ACTN4: variants seen among roughly 807,000 people sequenced by gnomAD.
ACTN4 encodes the protein alpha-actinin-4.
Under a neutral mutation model 114.2 loss-of-function variants are expected in ACTN4, and 18 were observed. The observed-to-expected ratio is 0.16, with a 90% CI of 0.11 to 0.23. The LOEUF (loss-of-function observed/expected upper bound fraction) is 0.23, where lower values mean the gene tolerates loss of function less well. Ranked by LOEUF, ACTN4 falls within the 10% of genes least tolerant of loss-of-function variation. The probability of loss-of-function intolerance (pLI) is 1.00; values close to 1 mark genes in which losing one functional copy is unlikely to be tolerated. For missense variants in ACTN4, 722 were observed against 1,262.9 expected, an observed-to-expected ratio of 0.57 and a Z score of 6.49; for synonymous variants, 515 against 506.3, an observed-to-expected ratio of 1.02 and a Z score of -0.23.
Position 38,727,972 on chromosome 19 carries a change from G to A in ACTN4, c.2364G>A (p.Glu788=). Residue 788 remains glutamate (E), a synonymous_variant, in exon 19 of 21, where the codon GAG becomes GAA. Coordinates refer to ENST00000252699, the MANE Select transcript of ACTN4 (RefSeq NM_004924.6). The surrounding 1 kb of genome is among the most constrained non-coding windows in gnomAD (Gnocchi z 5.4). Reference sequence around the variant, plus strand: ...ATCATGGCGGGGCGCTGGGGCCCGAGGAGTTCAAGGCCTGCCTCATCAGCC... The same window carrying A: ...ATCATGGCGGGGCGCTGGGGCCCGAAGAGTTCAAGGCCTGCCTCATCAGCC... ...DKDHGGALGP[E]EFKACLISLG... The A allele has an allele frequency of 6.2e-7, 1 of 1,612,758 alleles. No homozygotes were observed. The highest frequency in any genetic ancestry group is 8.5e-7 in the Non-Finnish European group (1 of 1,179,860).
At chr19:38,688,873 G>A (rs1967832719) in intron 1 of ACTN4, among the ~76,000 whole-genome samples, 1 of 152,184 alleles carries the variant, frequency 6.6e-6, no homozygotes, top group Admixed American at 6.5e-5. Flanking sequence ...ATGTGGTGCA[G>A]CTTCTTGGGA....
chr19:38,647,725 G>A lies in ACTN4; in HGVS notation c.-21G>A. On this transcript the variant is annotated 5_prime_UTR_variant, in exon 1 of 21. Transcript: ENST00000252699. ...CTGAGGCGGGAGCGGACAGGCTGGT[G>A]GGCGAGCGAGAGGCGGCGGAATGGT... 2 of 1,538,430 alleles carry A rather than the reference G, an allele frequency of 1.3e-6. No individual in the cohort carries two copies. The highest frequency in any genetic ancestry group is 1.7e-6 in the Non-Finnish European group (2 of 1,143,330).
intron 1 of ACTN4, among the ~76,000 whole-genome samples, chr19:38,656,154 A>G (rs548551100): frequency 6.6e-6 from 1 of 151,998 alleles, no homozygotes; most frequent in Admixed American, 6.6e-5. Context: ...CACTCTTTTT[A>G]CCAAGGCTGG....
chr19:38,677,913 G>C (rs926289343), intron 1 of ACTN4, among the ~76,000 whole-genome samples: 6 of 152,128 alleles, frequency 3.9e-5, no homozygotes, highest in Non-Finnish European at 8.8e-5. Context: ...TTTTGGTAGA[G>C]ACAATGTTTC....
At chr19:38,708,281 A>G (rs1474995802) in intron 6 of ACTN4, 86 bp downstream of exon 6, 2 of 1,442,314 alleles carry the variant, frequency 1.4e-6, no homozygotes, top group East Asian at 2.3e-5. Context: ...ATGCCCTTCC[A>G]TCGCCAGCCT....
rs766789915 is a variant in ACTN4, at chr19:38,731,162, C to T, written c.*1730C>T. 20 of 1,613,160 alleles carry T rather than the reference C, an allele frequency of 1.2e-5. No homozygotes were observed. The Admixed American group carries it at 2.8e-4, about 23-fold the overall frequency. On this transcript the variant is annotated 3_prime_UTR_variant, in exon 21 of 21. Coordinates refer to ENST00000252699, the MANE Select transcript of ACTN4 (RefSeq NM_004924.6). ...ACACGAACCGCTCGAAGTCCACACGCAGACGGCTATCCCGGTAGCGGCTGG... is the reference window on the plus strand; with the variant it reads ...ACACGAACCGCTCGAAGTCCACACGTAGACGGCTATCCCGGTAGCGGCTGG...
rs1969427165 is a variant in ACTN4, at chr19:38,729,933, G to C, written c.*501G>C. ...CAGCCCCTCTCCCCTCTCTGCTCCAGACTCACTTGCCATTGCCAGGAGATG... is the reference window on the plus strand; with the variant it reads ...CAGCCCCTCTCCCCTCTCTGCTCCACACTCACTTGCCATTGCCAGGAGATG... On this transcript the variant is annotated 3_prime_UTR_variant, in exon 21 of 21. Coordinates refer to ENST00000252699, the MANE Select transcript of ACTN4 (RefSeq NM_004924.6). 2 of 342,906 alleles carry C rather than the reference G, an allele frequency of 5.8e-6. No homozygotes were observed. The highest frequency in any genetic ancestry group is 8.3e-5 in the Admixed American group (2 of 24,034). 21.2% of individuals were successfully genotyped at this position (342,906 alleles called of 1,614,324 possible).
chr19:38,705,973 C>T (rs1460738103), intron 4 of ACTN4, 71 bp from the exon 5 acceptor site: 3 of 1,526,538 alleles, frequency 2.0e-6, no homozygotes, highest in Non-Finnish European at 2.7e-6. Context: ...GCCGAAAGTC[C>T]CATCCAACTT....
At chr19:38,676,918 A>C (rs1967395559) in intron 1 of ACTN4, among the ~76,000 whole-genome samples, 2 of 152,134 alleles carry the variant, frequency 1.3e-5, no homozygotes, top group South Asian at 4.1e-4. Flanking sequence ...CCTGCTTGAC[A>C]TCTTGATCAG....
At chr19:38,665,842 G>A (rs1034482053) in intron 1 of ACTN4, among the ~76,000 whole-genome samples, 3 of 152,124 alleles carry the variant, frequency 2.0e-5, no homozygotes, top group Admixed American at 6.5e-5. Flanking sequence ...CTCTTTCCCC[G>A]GGTTCCCTTC....
At chr19:38,680,000 T>G (rs1458482005) in intron 1 of ACTN4, among the ~76,000 whole-genome samples, 1 of 152,058 alleles carries the variant, frequency 6.6e-6, no homozygotes, top group Non-Finnish European at 1.5e-5. Context: ...CCTTTTTCCC[T>G]GAAGGAACTT....
In ACTN4 at chr19:38,651,890, C is replaced by T. The variant is rs149060542; in HGVS notation, c.162+3983C>T. 4.1e-3 allele frequency among the ~76,000 whole-genome samples: 616 copies of T among 152,028 alleles called. 7 individuals carry two copies. The highest frequency in any genetic ancestry group is 0.014 in the African/African-American group (590 of 41,478). On this transcript the variant is annotated intron_variant, in intron 1 of 20. Transcript: ENST00000252699. ...GGGACTACAGGCGTGTGCTACCGTGCCTGGCTAATTTTTGTGTTTTTAGTA... is the reference window on the plus strand; with the variant it reads ...GGGACTACAGGCGTGTGCTACCGTGTCTGGCTAATTTTTGTGTTTTTAGTA...
intron 1 of ACTN4, among the ~76,000 whole-genome samples, chr19:38,672,539 C>G (rs1181910079): frequency 6.6e-6 from 1 of 151,772 alleles, no homozygotes; most frequent in Non-Finnish European, 1.5e-5. Context: ...CCACACCCTG[C>G]CAAGGTTCTA....
At chr19:38,673,786 T>A (rs779910196) in intron 1 of ACTN4, among the ~76,000 whole-genome samples, 3 of 40,606 alleles carry the variant, frequency 7.4e-5, no homozygotes, top group African/African-American at 2.0e-4. Context: ...TATGTATAAT[T>A]TTTTTTTTTT....
At chr19:38,728,445 T>TC (rs1969332944) in intron 19 of ACTN4, 4 of 828,870 alleles carry the variant, frequency 4.8e-6, no homozygotes, top group Non-Finnish European at 1.5e-6. Flanking sequence ...CTCCTCCTCC[T>TC]CCTCCCCCCC....
chr19:38,656,431 C>G (rs974584973), intron 1 of ACTN4, among the ~76,000 whole-genome samples: 2 of 152,190 alleles, frequency 1.3e-5, no homozygotes, highest in Non-Finnish European at 2.9e-5. Context: ...GCCCCTCCCA[C>G]GAAGAAAGCA....
intron 1 of ACTN4, among the ~76,000 whole-genome samples, chr19:38,661,717 A>G (rs1045471109): frequency 2.6e-5 from 4 of 152,106 alleles, no homozygotes; most frequent in Non-Finnish European, 5.9e-5. Flanking sequence ...CAGTGGCACA[A>G]TCTCGGCTCA....
intron 9 of ACTN4, among the ~76,000 whole-genome samples, chr19:38,715,453 C>T (rs1445314094): frequency 1.3e-5 from 2 of 152,022 alleles, no homozygotes; most frequent in Non-Finnish European, 2.9e-5. Flanking sequence ...GCCAAGATTG[C>T]GCCACTGTAC....
At chr19:38,697,367 A>G (rs759797136) in intron 1 of ACTN4, among the ~76,000 whole-genome samples, 2 of 152,256 alleles carry the variant, frequency 1.3e-5, no homozygotes, top group Admixed American at 6.5e-5. Flanking sequence ...GCGTGTGTAC[A>G]TGCACACACA....
Sources: gnomAD v4.1 joint callset for allele counts (sites outside exome capture counted in the v4.1 genomes callset) on GRCh38, gnomAD v4.1.1 for gene constraint, Gnocchi (gnomAD v3.1) non-coding constraint, MANE v1.5 for transcripts, NCBI Gene and HGNC (gene_info 2026-07-23, HGNC 2026-07-21) for gene names.